The following ANKRD30BL variants were observed in gnomAD, a reference collection of about 807,000 sequenced individuals.
ANKRD30BL encodes the protein ankyrin repeat domain 30B like, also known as putative ankyrin repeat domain-containing protein 30B-like.
A neutral mutation model predicts 18.4 loss-of-function variants in ANKRD30BL; 20 were observed. That is an observed-to-expected ratio of 1.09 (90% confidence interval 0.77 to 1.58). The LOEUF (loss-of-function observed/expected upper bound fraction) is 1.58. ANKRD30BL is among the 40% of genes most tolerant of loss of function. ANKRD30BL has a pLI of 0.00. For missense variants in ANKRD30BL, 224 were observed against 268.6 expected, an observed-to-expected ratio of 0.83 and a Z score of 1.16; for synonymous variants, 72 against 100.9, an observed-to-expected ratio of 0.71 and a Z score of 1.72.
At chr2:132,253,884 G>A (rs550454696) in intron 1 of ANKRD30BL, among the ~76,000 whole-genome samples, 6 of 152,192 alleles carry the variant, frequency 3.9e-5, no homozygotes, top group South Asian at 2.1e-4. Flanking sequence ...GGGCCGGGCC[G>A]GGCCAGTGGC....
intron 1 of ANKRD30BL, among the ~76,000 whole-genome samples, chr2:132,249,210 A>G (rs987084125): frequency 6.6e-6 from 1 of 152,070 alleles, no homozygotes; most frequent in African/African-American, 2.4e-5. Context: ...CAAATTGCTC[A>G]ATCAAAGGAA....
chr2:132,195,923 C>T (rs1203409570), intron 1 of ANKRD30BL, among the ~76,000 whole-genome samples: 8 of 151,002 alleles, frequency 5.3e-5, no homozygotes, highest in Admixed American at 1.3e-4. Flanking sequence ...GGGTGGATCA[C>T]GAGGTCAGGA....
intron 1 of ANKRD30BL, among the ~76,000 whole-genome samples, chr2:132,234,130 G>C (rs545732376): frequency 6.6e-6 from 1 of 152,220 alleles, no homozygotes; most frequent in East Asian, 1.9e-4. Flanking sequence ...GATGTTCTTT[G>C]AAACCAACAT....
intron 1 of ANKRD30BL, among the ~76,000 whole-genome samples, chr2:132,240,519 C>T (rs1680286884): frequency 6.6e-6 from 1 of 151,806 alleles, no homozygotes; most frequent in Non-Finnish European, 1.5e-5. Flanking sequence ...GAAGAATTCT[C>T]AGAAACTTCC....
chr2:132,216,014 C>T (rs1251788987), intron 1 of ANKRD30BL, among the ~76,000 whole-genome samples: 1 of 150,856 alleles, frequency 6.6e-6, no homozygotes, highest in Admixed American at 6.6e-5. Flanking sequence ...CACTTTGAGG[C>T]CTATGGTGGA....
At chr2:132,249,801 T>G (rs1680602900) in intron 1 of ANKRD30BL, among the ~76,000 whole-genome samples, 1 of 152,146 alleles carries the variant, frequency 6.6e-6, no homozygotes, top group Non-Finnish European at 1.5e-5. Flanking sequence ...TCTGTCAAGT[T>G]TTTATGTGAT....
chr2:132,217,990 T>C (rs572174964), intron 1 of ANKRD30BL, among the ~76,000 whole-genome samples: 5 of 151,718 alleles, frequency 3.3e-5, no homozygotes, highest in African/African-American at 9.7e-5. Flanking sequence ...AACTTTTTTA[T>C]GATGTGTGCA....
At chr2:132,235,787 C>T (rs1490572858) in intron 1 of ANKRD30BL, among the ~76,000 whole-genome samples, 2 of 152,022 alleles carry the variant, frequency 1.3e-5, no homozygotes, top group South Asian at 2.1e-4. Flanking sequence ...AGATTCAATG[C>T]CTTCCCCATC....
At chr2:132,155,067 C>G (rs1350824873) in intron 3 of ANKRD30BL, 1 of 226,364 alleles carries the variant, frequency 4.4e-6, no homozygotes, top group Non-Finnish European at 8.6e-6. Flanking sequence ...ACCTCTATGT[C>G]CTTAAACCCT....
intron 1 of ANKRD30BL, among the ~76,000 whole-genome samples, chr2:132,230,959 T>A (rs1472185497): frequency 2.0e-5 from 3 of 152,176 alleles, no homozygotes; most frequent in African/African-American, 7.2e-5. Context: ...TGGAATGCTT[T>A]GCAGCCTTCA....
chr2:132,174,987 G>A (rs897117871), intron 1 of ANKRD30BL, among the ~76,000 whole-genome samples: 1 of 152,266 alleles, frequency 6.6e-6, no homozygotes, highest in Admixed American at 6.5e-5. Context: ...AAATGCAAAA[G>A]TGGCATGGAT....
chr2:132,221,550 G>A (rs1406639070), intron 1 of ANKRD30BL, among the ~76,000 whole-genome samples: 3 of 134,388 alleles, frequency 2.2e-5, no homozygotes, highest in Admixed American at 7.0e-5. Context: ...GAGGTGGGGG[G>A]GTCAGCCCCC....
intron 1 of ANKRD30BL, among the ~76,000 whole-genome samples, chr2:132,236,347 A>G (rs1257322085): frequency 6.6e-6 from 1 of 152,130 alleles, no homozygotes; most frequent in Non-Finnish European, 1.5e-5. Flanking sequence ...ATGGGATCTA[A>G]TGGGAGAACA....
chr2:132,168,754 GTGTAACTT>G (rs1447501534), intron 1 of ANKRD30BL, among the ~76,000 whole-genome samples: 1 of 151,974 alleles, frequency 6.6e-6, no homozygotes, highest in African/African-American at 2.4e-5. Context: ...CACAGAGAAA[GTGTAACTT>G]TGTAAGTTGA....
intron 1 of ANKRD30BL, among the ~76,000 whole-genome samples, chr2:132,251,828 T>TG (rs1680656681): frequency 6.6e-6 from 1 of 152,270 alleles, no homozygotes; most frequent in Non-Finnish European, 1.5e-5. Flanking sequence ...AAAGTAACTT[T>TG]GTGTTCTTTA....
intron 1 of ANKRD30BL, among the ~76,000 whole-genome samples, chr2:132,216,246 A>C (rs1294511595): frequency 2.0e-5 from 3 of 152,094 alleles, no homozygotes; most frequent in African/African-American, 7.2e-5. Context: ...CATTCATCTC[A>C]GGGAATTGAA....
At chr2:132,247,831 G>C (rs75118807) in intron 1 of ANKRD30BL, among the ~76,000 whole-genome samples, 1 of 151,512 alleles carries the variant, frequency 6.6e-6, no homozygotes. Flanking sequence ...GACTGTTTCT[G>C]AATTGTGCAT....
chr2:132,206,540 T>C (rs1201075782), intron 1 of ANKRD30BL, among the ~76,000 whole-genome samples: 1 of 152,194 alleles, frequency 6.6e-6, no homozygotes. Context: ...ATTATAATAG[T>C]AAACTACTTC....
At chr2:132,256,558 G>A (rs62165007) in intron 1 of ANKRD30BL, among the ~76,000 whole-genome samples, 19,602 of 152,258 alleles carry the variant, frequency 0.13, 2,461 homozygotes, top group African/African-American at 0.33. Context: ...GTGGCCTCGG[G>A]GCATGAAGGC....
Sources: allele counts gnomAD v4.1 joint callset (sites outside exome capture counted in the v4.1 genomes callset), GRCh38; gene constraint gnomAD v4.1.1; transcripts MANE v1.5; gene names NCBI Gene and HGNC (gene_info 2026-07-23, HGNC 2026-07-21).